The following FHIT variants were observed in gnomAD, a reference collection of about 807,000 sequenced individuals.
FHIT encodes the protein fragile histidine triad diadenosine triphosphatase, also known as bis(5'-adenosyl)-triphosphatase.
Under a neutral mutation model 17.9 loss-of-function variants are expected in FHIT, and 19 were observed. The observed-to-expected ratio is 1.06, with a 90% CI of 0.74 to 1.56. The LOEUF is 1.56. FHIT is among the 40% of genes most tolerant of loss of function. The probability of loss-of-function intolerance (pLI) is 0.00; values close to 1 mark genes in which losing one functional copy is unlikely to be tolerated. For missense variants in FHIT, 248 were observed against 189.2 expected (o/e 1.31, Z -1.82); for synonymous variants, 81 against 69.7 (o/e 1.16, Z -0.81).
At chr3:61,165,783 T>C (rs4688134) in intron 2 of FHIT, 144,284 of 152,164 alleles carry the variant, frequency 0.95, 68,457 homozygotes, top group East Asian at 1. Flanking sequence ...TGCAGTGAGC[T>C]GAGATCGAGC....
At chr3:61,046,347 G>A (rs1270756276) in intron 2 of FHIT, among the ~76,000 whole-genome samples, 1 of 152,170 alleles carries the variant, frequency 6.6e-6, no homozygotes, top group Non-Finnish European at 1.5e-5. Context: ...TACCATCAGA[G>A]AGTACTATAA....
At chr3:61,022,780 A>T (rs2032519301) in intron 3 of FHIT, among the ~76,000 whole-genome samples, 1 of 152,170 alleles carries the variant, frequency 6.6e-6, no homozygotes, top group African/African-American at 2.4e-5. Context: ...AAAGGCCTTC[A>T]ATAAAATTCA....
intron 4 of FHIT, among the ~76,000 whole-genome samples, chr3:60,763,418 T>C (rs1292786678): frequency 1.3e-5 from 2 of 152,246 alleles, no homozygotes; most frequent in Non-Finnish European, 2.9e-5. Context: ...TACTGTCATC[T>C]ACCAATACCT....
intron 3 of FHIT, among the ~76,000 whole-genome samples, chr3:61,008,103 C>T (rs1001350133): frequency 6.6e-6 from 1 of 152,206 alleles, no homozygotes; most frequent in Non-Finnish European, 1.5e-5. Flanking sequence ...TTACTAATCA[C>T]CTGCACACCC....
intron 5 of FHIT, among the ~76,000 whole-genome samples, chr3:60,228,592 C>G (rs1234352133): frequency 1.3e-5 from 2 of 152,128 alleles, no homozygotes; most frequent in African/African-American, 4.8e-5. Context: ...TTTTCTAAGC[C>G]TAAGTTTCTA....
chr3:60,350,276 A>C (rs145237441), intron 5 of FHIT, among the ~76,000 whole-genome samples: 65 of 152,232 alleles, frequency 4.3e-4, no homozygotes, highest in African/African-American at 1.4e-3. Context: ...AATAGTGTAC[A>C]TGTGTACTTG....
chr3:60,707,471 G>C (rs2041403201), intron 4 of FHIT, among the ~76,000 whole-genome samples: 2 of 152,088 alleles, frequency 1.3e-5, no homozygotes, highest in African/African-American at 4.8e-5. Context: ...ACTTTAACTA[G>C]GTGGAATTTT....
intron 4 of FHIT, chr3:60,690,643 G>A: frequency 1.9e-6 from 1 of 519,290 alleles, no homozygotes. Flanking sequence ...AAGCTTGTCT[G>A]CAAACAGCTC....
intron 4 of FHIT, among the ~76,000 whole-genome samples, chr3:60,638,865 T>TA (rs1553684637): frequency 6.6e-6 from 1 of 151,632 alleles, no homozygotes; most frequent in African/African-American, 2.4e-5. Context: ...AATGTCATTT[T>TA]AAAAAATGGT....
chr3:59,788,881 G>GTTTTCTTTTTTTTTTTTTTT (rs1553677013), intron 8 of FHIT, among the ~76,000 whole-genome samples: 1 of 86,804 alleles, frequency 1.2e-5, no homozygotes, highest in Non-Finnish European at 2.0e-5. Flanking sequence ...GAGTTCATAT[G>GTTTTCTTTTTTTTTTTTTTT]TTTTTTTTTT....
At position 59,914,998 on chromosome 3, in the gene FHIT, G is replaced by T. The variant is rs144112936; in HGVS notation, c.348+7348C>A. Among the ~76,000 whole-genome samples, 1,425 of 152,246 alleles carry T rather than the reference G, an allele frequency of 9.4e-3. 23 individuals carry two copies. The highest frequency in any genetic ancestry group is 0.032 in the African/African-American group (1,329 of 41,542). On this transcript the variant is annotated intron_variant, in intron 8 of 9. Transcript: ENST00000492590. ...TCAAGAACCTTGAATGTAAACCTAA[G>T]ATTTTTTTAAACACTGAAACAGCCC...
At chr3:61,075,255 C>T (rs752790798) in intron 2 of FHIT, among the ~76,000 whole-genome samples, 28 of 152,022 alleles carry the variant, frequency 1.8e-4, no homozygotes, top group South Asian at 6.3e-4. Context: ...CCCTCACTGC[C>T]CATTGGTTTA....
chr3:60,049,536 G>A (rs774940038), intron 5 of FHIT, among the ~76,000 whole-genome samples: 1 of 152,000 alleles, frequency 6.6e-6, no homozygotes, highest in Admixed American at 6.6e-5. Context: ...TCTGATTTAA[G>A]ATGTACTATA....
intron 5 of FHIT, among the ~76,000 whole-genome samples, chr3:60,335,227 A>C (rs1206540703): frequency 1.3e-5 from 2 of 152,238 alleles, no homozygotes; most frequent in African/African-American, 4.8e-5. Flanking sequence ...AGAATGTCAA[A>C]ATTCCTATAA....
chr3:60,568,823 A>G (rs1405655647), intron 4 of FHIT, among the ~76,000 whole-genome samples: 1 of 152,150 alleles, frequency 6.6e-6, no homozygotes, highest in Non-Finnish European at 1.5e-5. Context: ...ACATACTTAA[A>G]GAGGTAGAAG....
intron 4 of FHIT, among the ~76,000 whole-genome samples, chr3:60,565,507 T>C (rs907819844): frequency 3.9e-5 from 6 of 152,170 alleles, no homozygotes; most frequent in Admixed American, 6.6e-5. Context: ...CTGTTATTCC[T>C]TTAAAAATAT....
intron 2 of FHIT, among the ~76,000 whole-genome samples, chr3:61,136,002 C>T (rs1416278758): frequency 6.6e-6 from 1 of 152,120 alleles, no homozygotes; most frequent in African/African-American, 2.4e-5. Context: ...CATGATCATG[C>T]TGGAGGTAGG....
At chr3:60,064,381 C>T (rs1039295414) in intron 5 of FHIT, among the ~76,000 whole-genome samples, 1 of 152,106 alleles carries the variant, frequency 6.6e-6, no homozygotes, top group African/African-American at 2.4e-5. Context: ...TGCACCCCAC[C>T]CCCAACCAAA....
At chr3:61,054,749 C>G (rs1003870463) in intron 2 of FHIT, among the ~76,000 whole-genome samples, 1 of 152,136 alleles carries the variant, frequency 6.6e-6, no homozygotes, top group Non-Finnish European at 1.5e-5. Flanking sequence ...GGACAGCTGT[C>G]TCCTCCTCTT....
Sources: gnomAD v4.1 joint callset for allele counts (sites outside exome capture counted in the v4.1 genomes callset) on GRCh38, gnomAD v4.1.1 for gene constraint, MANE v1.5 for transcripts, NCBI Gene and HGNC (gene_info 2026-07-23, HGNC 2026-07-21) for gene names.